Variants in GRID1 observed in about 807,000 individuals in gnomAD.
GRID1 encodes glutamate receptor ionotropic, delta-1.
A neutral mutation model predicts 98.0 loss-of-function variants in GRID1; 28 were observed. The ratio of observed to expected loss-of-function variants is 0.29; its 90% CI spans 0.21 to 0.39. The LOEUF (loss-of-function observed/expected upper bound fraction) is 0.39. GRID1 is among the 10% of genes least tolerant of loss of function. GRID1 has a pLI of 1.00. For synonymous variants in GRID1, 553 were observed against 538.5 expected (o/e 1.03, Z -0.37); for missense variants, 1,111 against 1,340.5 (o/e 0.83, Z 2.67).
chr10:85,792,926 G>A (rs1035282970), intron 8 of GRID1, among the ~76,000 whole-genome samples: 2 of 152,188 alleles, frequency 1.3e-5, no homozygotes, highest in Admixed American at 1.3e-4. Context: ...AGTGAGGAAG[G>A]CATGAAACAT....
intron 5 of GRID1, among the ~76,000 whole-genome samples, chr10:85,892,399 G>T (rs542480654): frequency 1.4e-4 from 22 of 151,764 alleles, no homozygotes; most frequent in Non-Finnish European, 3.1e-4. Flanking sequence ...ACATAATTAA[G>T]CACATAACCA....
chr10:86,185,246 G>A (rs929929059), intron 3 of GRID1, among the ~76,000 whole-genome samples: 1 of 151,940 alleles, frequency 6.6e-6, no homozygotes, highest in African/African-American at 2.4e-5. Flanking sequence ...GTATGCTATT[G>A]TAAATAGTAT....
At chr10:86,193,094 C>T (rs1160798071) in intron 3 of GRID1, among the ~76,000 whole-genome samples, 1 of 152,094 alleles carries the variant, frequency 6.6e-6, no homozygotes, top group Non-Finnish European at 1.5e-5. Context: ...CAGGAGCTCA[C>T]CCTACCTGCA....
At chr10:86,221,637 G>A (rs1357086409) in intron 2 of GRID1, among the ~76,000 whole-genome samples, 2 of 152,204 alleles carry the variant, frequency 1.3e-5, no homozygotes. Context: ...GCCAGTGGCT[G>A]CTGTGAGCCA....
At chr10:85,747,993 A>G (rs746848186) in intron 8 of GRID1, among the ~76,000 whole-genome samples, 3 of 152,182 alleles carry the variant, frequency 2.0e-5, no homozygotes. Context: ...AATGATCAGT[A>G]CATTACTTTG....
chr10:85,606,141 G>C (rs569750500), intron 15 of GRID1: 1 of 152,296 alleles, frequency 6.6e-6, no homozygotes, highest in South Asian at 2.1e-4. Context: ...GCTTGACTAA[G>C]TTTATTTTAC....
At chr10:85,731,398 C>A (rs558624241) in intron 8 of GRID1, among the ~76,000 whole-genome samples, 1 of 151,756 alleles carries the variant, frequency 6.6e-6, no homozygotes, top group Non-Finnish European at 1.5e-5. Flanking sequence ...AAGTGAAGAT[C>A]TACCCAAAAT....
In GRID1 at chr10:86,341,413, C is replaced by T. The variant is rs143088767; in HGVS notation, c.235+22528G>A. The stretch of plus-strand genomic sequence containing the variant: ...CCTGGGTACTTACGCGGGTGCCCCT[C>T]CCTCACACGTTTCCAGAAGGGCCCG... On this transcript the variant is annotated intron_variant, in intron 2 of 15. Coordinates refer to ENST00000327946, the MANE Select transcript of GRID1 (RefSeq NM_017551.3). Among the ~76,000 whole-genome samples, 667 of 152,242 alleles carry T rather than the reference C, an allele frequency of 4.4e-3. 2 individuals carry two copies. The highest frequency in any genetic ancestry group is 8.2e-3 in the Admixed American group (125 of 15,294).
intron 2 of GRID1, among the ~76,000 whole-genome samples, chr10:86,220,106 T>A (rs1182529007): frequency 1.3e-5 from 2 of 152,196 alleles, no homozygotes; most frequent in Non-Finnish European, 2.9e-5. Flanking sequence ...CTTGAATAAG[T>A]TCTAAAATGC....
chr10:85,970,860 C>T (rs1230959946), intron 4 of GRID1, among the ~76,000 whole-genome samples: 2 of 151,938 alleles, frequency 1.3e-5, no homozygotes, highest in Non-Finnish European at 2.9e-5. Flanking sequence ...AATTTTAAAA[C>T]ATCTAGAAGG....
chr10:85,612,373 G>A (rs1178437447), intron 15 of GRID1, among the ~76,000 whole-genome samples: 1 of 152,046 alleles, frequency 6.6e-6, no homozygotes, highest in East Asian at 1.9e-4. Flanking sequence ...TTTATTTTTT[G>A]TGCCCCTTGG....
chr10:85,908,825 T>C (rs751511115), intron 5 of GRID1, among the ~76,000 whole-genome samples: 7 of 152,134 alleles, frequency 4.6e-5, no homozygotes, highest in Non-Finnish European at 7.4e-5. Context: ...GAATGTCGGA[T>C]TGGCATAAAG....
chr10:85,869,094 C>T lies in GRID1; in HGVS notation c.867G>A (p.Lys289=), dbSNP rs1356044508. The change falls in exon 6 of 16, where the codon AAG becomes AAA. Residue 289 remains lysine, a synonymous_variant. Transcript: ENST00000327946. ...TVVRQIFPSA[K]DNQKCTRNNH... ...TGTTCCTCGTGCATTTCTGATTGTCCTTTGCAGACGGAAAGATTTGCCGGA... is the reference window on the plus strand; with the variant it reads ...TGTTCCTCGTGCATTTCTGATTGTCTTTTGCAGACGGAAAGATTTGCCGGA... 1.9e-6 allele frequency: 3 copies of T among 1,613,928 alleles called. No homozygotes were observed. Among genetic ancestry groups the T allele is most frequent in the Non-Finnish European group, 2.5e-6 (3 of 1,179,926 alleles).
chr10:86,227,265 G>A (rs1846366526), intron 2 of GRID1, among the ~76,000 whole-genome samples: 1 of 152,202 alleles, frequency 6.6e-6, no homozygotes. Context: ...CCCCTCAAAG[G>A]GGCCCTTCTG....
At chr10:85,648,361 A>C (rs1251255243) in intron 12 of GRID1, among the ~76,000 whole-genome samples, 3 of 152,158 alleles carry the variant, frequency 2.0e-5, no homozygotes, top group Non-Finnish European at 2.9e-5. Flanking sequence ...GTGTTGACAG[A>C]ACGTCATGTA....
chr10:85,978,604 T>C (rs1236879677), intron 4 of GRID1, among the ~76,000 whole-genome samples: 1 of 151,526 alleles, frequency 6.6e-6, no homozygotes, highest in African/African-American at 2.4e-5. Flanking sequence ...AATGGACAAT[T>C]ACTTTAACAG....
chr10:86,057,834 C>T (rs1843595573), intron 4 of GRID1, among the ~76,000 whole-genome samples: 1 of 152,218 alleles, frequency 6.6e-6, no homozygotes, highest in Non-Finnish European at 1.5e-5. Context: ...TAATGTCTGT[C>T]TTTCCCACAA....
intron 6 of GRID1, among the ~76,000 whole-genome samples, chr10:85,861,575 T>G (rs1843164466): frequency 6.6e-6 from 1 of 152,210 alleles, no homozygotes; most frequent in South Asian, 2.1e-4. Flanking sequence ...ATACCCTGAC[T>G]CTGGTTCCTG....
intron 2 of GRID1, among the ~76,000 whole-genome samples, chr10:86,249,025 C>T (rs1038579069): frequency 6.6e-6 from 1 of 152,230 alleles, no homozygotes; most frequent in African/African-American, 2.4e-5. Context: ...GCCTCCCTCA[C>T]TGGAGGAGCC....
Sources: allele counts gnomAD v4.1 joint callset (sites outside exome capture counted in the v4.1 genomes callset), GRCh38; gene constraint gnomAD v4.1.1; transcripts MANE v1.5; gene names NCBI Gene and HGNC (gene_info 2026-07-23, HGNC 2026-07-21).